The following RNLS variants were observed in gnomAD, a reference collection of about 807,000 sequenced individuals.
RNLS encodes renalase.
Under a neutral mutation model 39.8 loss-of-function variants are expected in RNLS, and 39 were observed. The ratio of observed to expected loss-of-function variants is 0.98; its 90% CI spans 0.76 to 1.28. The LOEUF is 1.28. Ranked by LOEUF, RNLS falls within the 50% of genes most tolerant of loss-of-function variation. RNLS has a pLI of 0.00. For synonymous variants in RNLS, 147 were observed against 150.7 expected, an observed-to-expected ratio of 0.98 and a Z score of 0.18; for missense variants, 410 against 413.3, an observed-to-expected ratio of 0.99 and a Z score of 0.07.
chr10:88,324,310 T>C (rs1461532179), intron 5 of RNLS, among the ~76,000 whole-genome samples: 1 of 150,890 alleles, frequency 6.6e-6, no homozygotes, highest in Non-Finnish European at 1.5e-5. Flanking sequence ...CTATTCATAA[T>C]AGCAAAGTCA....
chr10:88,348,000 T>C (rs548999241), intron 5 of RNLS, among the ~76,000 whole-genome samples: 1 of 152,286 alleles, frequency 6.6e-6, no homozygotes, highest in South Asian at 2.1e-4. Context: ...GTTTTTTCAC[T>C]ACAGAATAGT....
chr10:88,301,462 C>T (rs1844510089), intron 6 of RNLS, among the ~76,000 whole-genome samples: 2 of 152,062 alleles, frequency 1.3e-5, no homozygotes, highest in African/African-American at 4.8e-5. Flanking sequence ...CCCAAAGGGC[C>T]CATTTTGGTT....
the RNLS span, among the ~76,000 whole-genome samples, chr10:88,188,128 C>A: frequency 6.6e-6 from 1 of 152,166 alleles, no homozygotes; most frequent in African/African-American, 2.4e-5. Flanking sequence ...GCAATCTCAG[C>A]TCGCTGCAAC....
chr10:88,350,521 G>A lies in RNLS; in HGVS notation c.700+12031C>T, dbSNP rs11202729. 3.3e-5 allele frequency among the ~76,000 whole-genome samples: 5 copies of A among 152,078 alleles called. No homozygotes were observed. The East Asian group carries it at 5.8e-4, about 18-fold the overall frequency. On this transcript the variant is annotated intron_variant, in intron 5 of 6. Transcript: ENST00000331772. ...CTTGCGATAGTTTGCTGAGAATGAC[G>A]GTTTCCAGCTTCATCCATGTCCCTA...
chr10:88,452,776 A>G (rs1486351040), intron 4 of RNLS, among the ~76,000 whole-genome samples: 2 of 152,158 alleles, frequency 1.3e-5, no homozygotes, highest in Non-Finnish European at 2.9e-5. Flanking sequence ...TATAACCAAC[A>G]TGGATCATCA....
chr10:88,485,666 A>T (rs2134038933), intron 4 of RNLS, among the ~76,000 whole-genome samples: 1 of 148,270 alleles, frequency 6.7e-6, no homozygotes, highest in East Asian at 2.0e-4. Context: ...AAAAACGAAT[A>T]TGAGCCATTT....
the RNLS span, among the ~76,000 whole-genome samples, chr10:88,253,313 C>T: frequency 6.6e-6 from 1 of 152,160 alleles, no homozygotes; most frequent in Non-Finnish European, 1.5e-5. Context: ...ACCACCTGTC[C>T]TACCCAATCC....
the RNLS span, among the ~76,000 whole-genome samples, chr10:88,254,348 A>G: frequency 3.3e-5 from 5 of 152,214 alleles, no homozygotes; most frequent in African/African-American, 1.2e-4. Context: ...CTTTCTCCCC[A>G]AACTATGAAA....
Position 88,362,691 on chromosome 10 carries a change from A to T in RNLS, c.561T>A (p.Ala187=). The T allele has an allele frequency of 6.2e-7, 1 of 1,613,810 alleles. No individual in the cohort carries two copies. The highest frequency in any genetic ancestry group is 8.5e-7 in the Non-Finnish European group (1 of 1,179,872). Residue 187 remains alanine, a synonymous_variant, in exon 5 of 7, where the codon GCT becomes GCA. Coordinates refer to ENST00000331772, the MANE Select transcript of RNLS (RefSeq NM_001031709.3). ...GAGCATATCGAGAGGAGTAGCTCAC[A>T]GCCTCCAGTTGCTGCCTTTGGCATT... ...ISECQRQQLE[A]VSYSSRYALG...
intron 6 of RNLS, among the ~76,000 whole-genome samples, chr10:88,294,571 G>T (rs1001250055): frequency 6.6e-6 from 1 of 151,962 alleles, no homozygotes; most frequent in African/African-American, 2.4e-5. Flanking sequence ...TCCTTTTGGG[G>T]TTTGACGAAA....
At chr10:88,206,203 C>T in the RNLS span, among the ~76,000 whole-genome samples, 1 of 152,220 alleles carries the variant, frequency 6.6e-6, no homozygotes, top group Non-Finnish European at 1.5e-5. Context: ...CTGTGCTCCA[C>T]ACATTGCACA....
At chr10:88,493,566 T>A (rs1845003111) in intron 4 of RNLS, among the ~76,000 whole-genome samples, 2 of 152,200 alleles carry the variant, frequency 1.3e-5, no homozygotes, top group South Asian at 4.1e-4. Flanking sequence ...AATTTACTTT[T>A]TAAAAAATGA....
intron 5 of RNLS, among the ~76,000 whole-genome samples, chr10:88,323,004 G>A (rs939659375): frequency 2.0e-5 from 3 of 152,062 alleles, no homozygotes; most frequent in Non-Finnish European, 4.4e-5. Flanking sequence ...CTCAAGCTGA[G>A]AACCAAATCA....
At chr10:88,215,450 C>T in the RNLS span, among the ~76,000 whole-genome samples, 2 of 152,158 alleles carry the variant, frequency 1.3e-5, no homozygotes, top group Non-Finnish European at 2.9e-5. Flanking sequence ...GTCTTTCTAA[C>T]TGACAGATTT....
the RNLS span, among the ~76,000 whole-genome samples, chr10:88,202,366 T>A: frequency 6.6e-6 from 1 of 151,848 alleles, no homozygotes; most frequent in Non-Finnish European, 1.5e-5. Context: ...AGTTAGTGGG[T>A]GCAGCACACC....
intron 6 of RNLS, 150 bp downstream of exon 6, chr10:88,314,316 A>C: frequency 2.7e-6 from 2 of 747,564 alleles, no homozygotes; most frequent in South Asian, 4.0e-5. Context: ...CATAGAAGTT[A>C]TATTTATGTG....
At chr10:88,316,263 A>G (rs945682409) in intron 5 of RNLS, among the ~76,000 whole-genome samples, 1 of 152,234 alleles carries the variant, frequency 6.6e-6, no homozygotes, top group Non-Finnish European at 1.5e-5. Context: ...TGAATGTTCA[A>G]TGTGTAACCT....
the RNLS span, among the ~76,000 whole-genome samples, chr10:88,230,741 T>C: frequency 6.6e-6 from 1 of 152,240 alleles, no homozygotes; most frequent in African/African-American, 2.4e-5. Context: ...TAGATAATAA[T>C]AGCCAACATT....
chr10:88,462,338 T>C (rs1407602880), intron 4 of RNLS, among the ~76,000 whole-genome samples: 1 of 152,096 alleles, frequency 6.6e-6, no homozygotes, highest in African/African-American at 2.4e-5. Flanking sequence ...CCTTAAGCAC[T>C]TATCCTTTGT....
Sources: gnomAD v4.1 joint callset for allele counts (sites outside exome capture counted in the v4.1 genomes callset) on GRCh38, gnomAD v4.1.1 for gene constraint, MANE v1.5 for transcripts, NCBI Gene and HGNC (gene_info 2026-07-23, HGNC 2026-07-21) for gene names.